Variants in IRF6 observed in about 807,000 individuals in gnomAD.
The protein encoded by IRF6 is Van der Woude syndrome.
Under a neutral mutation model 51.4 loss-of-function variants are expected in IRF6, and 6 were observed. The ratio of observed to expected loss-of-function variants is 0.12; its 90% CI spans 0.06 to 0.23. IRF6 has a LOEUF of 0.23. Ranked by LOEUF, IRF6 falls within the 10% of genes least tolerant of loss-of-function variation. The pLI, the probability that IRF6 is intolerant of heterozygous loss-of-function variation, is 1.00. For missense variants in IRF6, 348 were observed against 585.2 expected, an observed-to-expected ratio of 0.59 and a Z score of 4.18; for synonymous variants, 178 against 215.7, an observed-to-expected ratio of 0.83 and a Z score of 1.53.
At chr1:209,798,739 T>C (rs562565066) in intron 3 of IRF6, among the ~76,000 whole-genome samples, 1 of 151,856 alleles carries the variant, frequency 6.6e-6, no homozygotes, top group Non-Finnish European at 1.5e-5. Context: ...TGAAACCCCG[T>C]CTCTACTAAA....
At chr1:209,800,912 G>C (rs1160187429) in intron 3 of IRF6, among the ~76,000 whole-genome samples, 1 of 152,196 alleles carries the variant, frequency 6.6e-6, no homozygotes, top group Non-Finnish European at 1.5e-5. Flanking sequence ...AGAGCTCTGA[G>C]TTATTGAGGA....
At position 209,792,278 on chromosome 1, in the gene IRF6, A is replaced by G. The variant is rs752392670; in HGVS notation, c.658T>C (p.Ser220Pro). 6.2e-7 allele frequency: 1 copy of G among 1,614,144 alleles called. No homozygotes were observed. The highest frequency in any genetic ancestry group is 1.7e-4 in the Middle Eastern group (1 of 6,060). ...ATAAAGTCTCACTTACTTGGGAGAG[A>G]GCTGATCCACAGTTCTGGAGAGCTA... ...FYSSPELWIS[S>P]LPMTDLDIKF... The change falls in exon 6 of 9, where the codon TCT becomes CCT. Residue 220 changes from serine (S) to proline (P), a missense_variant. Physicochemically the swap from Ser to Pro is moderately conservative, Grantham distance 74. This residue lies in a region of IRF6 where 125 missense variants were observed against 222.0 expected (regional missense o/e 0.56). Transcript: ENST00000367021.
In IRF6 at chr1:209,786,079, G is replaced by A. The variant is rs528434197; in HGVS notation, c.*2341C>T. The A allele has an allele frequency of 6.6e-6, 1 of 152,356 alleles. No homozygotes were observed. Among genetic ancestry groups the A allele is most frequent in the East Asian group, 1.9e-4 (1 of 5,180 alleles). 9.4% of individuals were successfully genotyped at this position (152,356 alleles called of 1,614,324 possible). On this transcript the variant is annotated 3_prime_UTR_variant, in exon 9 of 9. Coordinates refer to ENST00000367021, the MANE Select transcript of IRF6 (RefSeq NM_006147.4). ...TCTTAAGCAAGGTGAAGGCAAGGGAGTAGAAGATATCAAGGGAGTGAGTGG... is the reference window on the plus strand; with the variant it reads ...TCTTAAGCAAGGTGAAGGCAAGGGAATAGAAGATATCAAGGGAGTGAGTGG...
At chr1:209,789,875 C>G in intron 7 of IRF6, 90 bp from the exon 8 acceptor site, 1 of 853,524 alleles carries the variant, frequency 1.2e-6, no homozygotes, top group Admixed American at 1.8e-5. Context: ...ATTACAATAG[C>G]CACTAGCCAC....
intron 1 of IRF6, among the ~76,000 whole-genome samples, chr1:209,805,069 G>A (rs2077965630): frequency 6.6e-6 from 1 of 152,024 alleles, no homozygotes; most frequent in African/African-American, 2.4e-5. Flanking sequence ...GAGTTACAAG[G>A]TATTGAGTGC....
intron 1 of IRF6, among the ~76,000 whole-genome samples, chr1:209,803,115 T>C (rs2077953779): frequency 6.6e-6 from 1 of 152,166 alleles, no homozygotes; most frequent in African/African-American, 2.4e-5. Flanking sequence ...TAGGGCAGCA[T>C]GTGAAACCAT....
chr1:209,798,321 G>A (rs978203861), intron 3 of IRF6, among the ~76,000 whole-genome samples: 3 of 152,220 alleles, frequency 2.0e-5, no homozygotes, highest in Non-Finnish European at 4.4e-5. Context: ...TTACCTGGCA[G>A]TACCTGGCTG....
chr1:209,788,657 C>G lies in IRF6; in HGVS notation c.1180-13G>C. 1 of 1,600,614 alleles carries G rather than the reference C, an allele frequency of 6.2e-7. No homozygotes were observed. Among genetic ancestry groups the G allele is most frequent in the Non-Finnish European group, 8.6e-7 (1 of 1,167,684 alleles). ...CTACTGGAATGACCTGTTCAGGACA[C>G]AGAACACAGGTGTATCCTCTGAGGA... On this transcript the variant is annotated splice_polypyrimidine_tract_variant and intron_variant, in intron 8 of 8. Coordinates refer to ENST00000367021, the MANE Select transcript of IRF6 (RefSeq NM_006147.4).
chr1:209,805,192 A>ACTTC (rs1217362384), intron 1 of IRF6, among the ~76,000 whole-genome samples: 2 of 151,944 alleles, frequency 1.3e-5, no homozygotes, highest in African/African-American at 4.8e-5. Context: ...CTTTTCCCTG[A>ACTTC]CTTCCACTCT....
chr1:209,805,857 AC>A, intron 1 of IRF6, 89 bp downstream of exon 1: 1 of 151,878 alleles, frequency 6.6e-6, no homozygotes, highest in Non-Finnish European at 1.5e-5. Context: ...AAGTTCTCTC[AC>A]CCCCTACAAA....
Position 209,796,644 on chromosome 1 carries a change from C to A in IRF6, c.175-92G>T, listed in dbSNP as rs1571983538. 2 of 727,952 alleles carry A rather than the reference C, an allele frequency of 2.7e-6. No homozygotes were observed. Among genetic ancestry groups the A allele is most frequent in the Non-Finnish European group, 4.6e-6 (2 of 433,958 alleles). The allele number at this position is 727,952 out of a possible 1,614,324, so 45.1% of individuals were successfully genotyped here. On this transcript the variant is annotated intron_variant, in intron 3 of 8. Coordinates refer to ENST00000367021, the MANE Select transcript of IRF6 (RefSeq NM_006147.4). The surrounding 1 kb of genome is among the most constrained non-coding windows in gnomAD (Gnocchi z 4.5). ...TTTCTCATAGACACAAACACACACA[C>A]ACACACACACACACACACACACACA...
At position 209,805,455 on chromosome 1, in the gene IRF6, G is replaced by T. The variant is rs2077968385; in HGVS notation, c.-76+492C>A. On this transcript the variant is annotated intron_variant, in intron 1 of 8. Coordinates refer to ENST00000367021, the MANE Select transcript of IRF6 (RefSeq NM_006147.4). Reference sequence around the variant, plus strand: ...GGTTGTCTCCCAGGCCCAGGGCGAAGGGCCTAACTGTGCCAAACAGACTCA... The same window carrying T: ...GGTTGTCTCCCAGGCCCAGGGCGAATGGCCTAACTGTGCCAAACAGACTCA... Among the ~76,000 whole-genome samples the T allele has an allele frequency of 3.9e-5, 6 of 152,290 alleles. 1 individual carries two copies. The South Asian group carries it at 1.2e-3, about 32-fold the overall frequency.
Position 209,787,333 on chromosome 1 carries a change from C to T in IRF6, c.*1087G>A, listed in dbSNP as rs1386927692. 6.6e-6 allele frequency: 1 copy of T among 152,328 alleles called. No individual in the cohort carries two copies. The highest frequency in any genetic ancestry group is 1.5e-5 in the Non-Finnish European group (1 of 68,124). 9.4% of individuals were successfully genotyped at this position (152,328 alleles called of 1,614,324 possible). On this transcript the variant is annotated 3_prime_UTR_variant, in exon 9 of 9. Transcript: ENST00000367021. The stretch of plus-strand genomic sequence containing the variant: ...CCACTCTTTACCTTCACTGTTCACA[C>T]TCAGATACCTCCACTAGTAAGGGAG...
chr1:209,805,792 G>T (rs1317269575), intron 1 of IRF6, among the ~76,000 whole-genome samples, 155 bp downstream of exon 1: 1 of 152,094 alleles, frequency 6.6e-6, no homozygotes, highest in Non-Finnish European at 1.5e-5. Context: ...GGAAAAGGGC[G>T]ACAGGCACCC....
chr1:209,790,681 T>G lies in IRF6; in HGVS notation c.874A>C (p.Ser292Arg). ...CTGTCCATGACGTCCAGCAGCTTGC[T>G]AGTGAACAGCTTCTGCTTCTCATTG... ...ITNEKQKLFT[S>R]KLLDVMDRGL... Residue 292 changes from serine to arginine, a missense_variant, in exon 7 of 9, where the codon AGC becomes CGC. By Grantham distance (110) the Ser-to-Arg change is moderately radical (BLOSUM62 -1). Transcript: ENST00000367021. The surrounding 1 kb of genome is among the most constrained non-coding windows in gnomAD (Gnocchi z 4.8). 1 of 1,614,214 alleles carries G rather than the reference T, an allele frequency of 6.2e-7. No homozygotes were observed. The highest frequency in any genetic ancestry group is 8.5e-7 in the Non-Finnish European group (1 of 1,180,040).
In IRF6 at chr1:209,790,658, G is replaced by C; in HGVS notation, c.897C>G (p.Asp299Glu). Residue 299 changes from aspartate to glutamate, a missense_variant, in exon 7 of 9, where the codon GAC (aspartate) becomes GAG (glutamate). Asp to Glu is a conservative substitution (Grantham distance 45). This residue lies in a region of IRF6 where 125 missense variants were observed against 222.0 expected (regional missense o/e 0.56). Coordinates refer to ENST00000367021, the MANE Select transcript of IRF6 (RefSeq NM_006147.4). The surrounding 1 kb of genome is among the most constrained non-coding windows in gnomAD (Gnocchi z 4.8). Reference protein sequence around the residue: ...LFTSKLLDVMDRGLILEVSGH... With the variant: ...LFTSKLLDVMERGLILEVSGH... ...CGCTGACCTCCAGGATCAGTCCTCT[G>C]TCCATGACGTCCAGCAGCTTGCTAG... 1 of 1,614,228 alleles carries C rather than the reference G, an allele frequency of 6.2e-7. No individual in the cohort carries two copies.
At chr1:209,797,924 T>C (rs568750039) in intron 3 of IRF6, among the ~76,000 whole-genome samples, 1 of 152,292 alleles carries the variant, frequency 6.6e-6, no homozygotes, top group South Asian at 2.1e-4. Context: ...AAGCCAACAG[T>C]GTATATGATT....
At chr1:209,791,849 G>C (rs539868662) in intron 6 of IRF6, among the ~76,000 whole-genome samples, 1 of 152,302 alleles carries the variant, frequency 6.6e-6, no homozygotes, top group South Asian at 2.1e-4. Context: ...GCAATGGCAT[G>C]ATCAGGGCTC....
At chr1:209,799,243 G>A (rs2077924848) in intron 3 of IRF6, among the ~76,000 whole-genome samples, 1 of 152,110 alleles carries the variant, frequency 6.6e-6, no homozygotes, top group African/African-American at 2.4e-5. Flanking sequence ...TAGAATTTGA[G>A]GCCAGGTCTT....
Sources: gnomAD v4.1 joint callset for allele counts (sites outside exome capture counted in the v4.1 genomes callset) on GRCh38, gnomAD v4.1.1 for gene constraint, gnomAD v4.1.1 regional missense constraint, Gnocchi (gnomAD v3.1) non-coding constraint, MANE v1.5 for transcripts, NCBI Gene and HGNC (gene_info 2026-07-23, HGNC 2026-07-21) for gene names.